SERP2: variants seen among roughly 807,000 people sequenced by gnomAD.
SERP2 encodes stress-associated endoplasmic reticulum protein 2.
Under a neutral mutation model 9.1 loss-of-function variants are expected in SERP2, and 6 were observed. That is an observed-to-expected ratio of 0.66 (90% confidence interval 0.36 to 1.30). SERP2 has a LOEUF of 1.30. Among genes scored for constraint, SERP2 ranks in the 50% most tolerant of loss-of-function variants. SERP2 has a pLI of 0.03. For missense variants in SERP2, 58 were observed against 81.9 expected (o/e 0.71, Z 1.13); for synonymous variants, 37 against 27.3 (o/e 1.35, Z -1.10).
intron 1 of SERP2, among the ~76,000 whole-genome samples, chr13:44,375,782 C>G (rs1463956830): frequency 1.3e-5 from 2 of 152,166 alleles, no homozygotes; most frequent in African/African-American, 4.8e-5. Flanking sequence ...GCTGTTGTAT[C>G]TATTAGGTTC....
At chr13:44,388,349 T>C (rs550002731) in intron 2 of SERP2, among the ~76,000 whole-genome samples, 31 of 152,360 alleles carry the variant, frequency 2.0e-4, no homozygotes, top group African/African-American at 7.5e-4. Context: ...TGAATGTGTA[T>C]GTATATGCAT....
chr13:44,385,280 T>C (rs1310466572), intron 2 of SERP2, among the ~76,000 whole-genome samples: 1 of 152,160 alleles, frequency 6.6e-6, no homozygotes, highest in African/African-American at 2.4e-5. Flanking sequence ...AAGAGCAAGA[T>C]AATGAAAAGG....
At chr13:44,396,756 T>TCCAAGCAGCTGGAAGATA (rs1468344183) in intron 2 of SERP2, among the ~76,000 whole-genome samples, 1 of 152,060 alleles carries the variant, frequency 6.6e-6, no homozygotes, top group Non-Finnish European at 1.5e-5. Flanking sequence ...TTCAGAGAGT[T>TCCAAGCAGCTGGAAGATA]CCAAGCAGCT....
intron 2 of SERP2, 61 bp from the exon 3 acceptor site, chr13:44,397,211 G>A (rs373364072): frequency 6.9e-7 from 1 of 1,448,204 alleles, no homozygotes; most frequent in African/African-American, 1.4e-5. Flanking sequence ...GGCTCACTGT[G>A]GGCTGGGTTT....
chr13:44,397,405 C>T lies in SERP2; in HGVS notation c.*93C>T, dbSNP rs951526085. The stretch of plus-strand genomic sequence containing the variant: ...GTTTCTGCGGGAAACAAGCAGGCCA[C>T]ACGGAATAGAAAAAAACGCTCCCCC... On this transcript the variant is annotated 3_prime_UTR_variant, in exon 3 of 3. Coordinates refer to ENST00000379179, the MANE Select transcript of SERP2 (RefSeq NM_001010897.3). 6.0e-6 allele frequency: 6 copies of T among 998,702 alleles called. No individual in the cohort carries two copies. Among genetic ancestry groups the T allele is most frequent in the Non-Finnish European group, 9.5e-6 (6 of 634,036 alleles). 61.9% of individuals were successfully genotyped at this position (998,702 alleles called of 1,614,324 possible).
chr13:44,381,460 T>A (rs1420162768), intron 2 of SERP2, among the ~76,000 whole-genome samples: 1 of 152,122 alleles, frequency 6.6e-6, no homozygotes, highest in East Asian at 1.9e-4. Flanking sequence ...GAGAATCACT[T>A]GAACTGCAGA....
intron 2 of SERP2, among the ~76,000 whole-genome samples, chr13:44,383,832 T>G (rs1204713198): frequency 1.3e-5 from 2 of 152,028 alleles, no homozygotes; most frequent in African/African-American, 4.8e-5. Context: ...ATTACAGGCA[T>G]GAGCCAATGC....
intron 1 of SERP2, among the ~76,000 whole-genome samples, 178 bp downstream of exon 1, chr13:44,374,287 T>G (rs1474438559): frequency 1.3e-5 from 2 of 152,142 alleles, no homozygotes; most frequent in South Asian, 2.1e-4. Flanking sequence ...CGGCGCGGTC[T>G]GCTTGGCGTC....
intron 2 of SERP2, chr13:44,390,242 G>C (rs1872556359): frequency 6.3e-6 from 2 of 315,484 alleles, no homozygotes; most frequent in Admixed American, 7.9e-5. Flanking sequence ...CTTGCTCCCA[G>C]ATGGAGAAAG....
chr13:44,389,498 C>G (rs1872513232), intron 2 of SERP2, among the ~76,000 whole-genome samples: 1 of 152,164 alleles, frequency 6.6e-6, no homozygotes, highest in South Asian at 2.1e-4. Context: ...TATGGTCTTG[C>G]TCACCCTGCC....
At chr13:44,379,583 C>A in intron 1 of SERP2, 58 bp from the exon 2 acceptor site, 1 of 1,340,818 alleles carries the variant, frequency 7.5e-7, no homozygotes, top group Non-Finnish European at 1.1e-6. Flanking sequence ...TAGTGATACT[C>A]AAATAATTGT....
intron 2 of SERP2, among the ~76,000 whole-genome samples, chr13:44,381,976 ATAGT>A (rs1872005467): frequency 6.8e-6 from 1 of 147,738 alleles, no homozygotes; most frequent in East Asian, 2.0e-4. Context: ...TATTTAGCAC[ATAGT>A]TAGTGCTTAG....
At chr13:44,392,196 CA>C (rs760513486) in intron 2 of SERP2, among the ~76,000 whole-genome samples, 4 of 35,980 alleles carry the variant, frequency 1.1e-4, no homozygotes, top group African/African-American at 2.5e-4. Context: ...GACTCTGTCT[CA>C]AAAAAAAAAA....
At chr13:44,390,585 T>C (rs1595056166) in intron 2 of SERP2, 1 of 358,088 alleles carries the variant, frequency 2.8e-6, no homozygotes, top group East Asian at 7.8e-5. Flanking sequence ...TAAGGTGACC[T>C]GCAGCCTCCT....
At chr13:44,382,936 G>A (rs1276409101) in intron 2 of SERP2, among the ~76,000 whole-genome samples, 1 of 152,316 alleles carries the variant, frequency 6.6e-6, no homozygotes, top group East Asian at 1.9e-4. Context: ...GGCTGGCATG[G>A]ATAAGGAACT....
Position 44,397,397 on chromosome 13 carries a change from G to A in SERP2, c.*85G>A. Reference sequence around the variant, plus strand: ...GTCAGCCAGTTTCTGCGGGAAACAAGCAGGCCACACGGAATAGAAAAAAAC... The same window carrying A: ...GTCAGCCAGTTTCTGCGGGAAACAAACAGGCCACACGGAATAGAAAAAAAC... On this transcript the variant is annotated 3_prime_UTR_variant, in exon 3 of 3. Transcript: ENST00000379179. The A allele has an allele frequency of 1.9e-6, 2 of 1,064,598 alleles. No homozygotes were observed. Among genetic ancestry groups the A allele is most frequent in the Non-Finnish European group, 1.5e-6 (1 of 686,406 alleles). 65.9% of individuals were successfully genotyped at this position (1,064,598 alleles called of 1,614,324 possible). A position where few individuals can be genotyped will look rare whatever the true frequency, so the allele number is the denominator to read the frequency against.
In SERP2 at chr13:44,397,383, T is replaced by G; in HGVS notation, c.*71T>G. ...GGACAACGGAAGCGGTCAGCCAGTT[T>G]CTGCGGGAAACAAGCAGGCCACACG... On this transcript the variant is annotated 3_prime_UTR_variant, in exon 3 of 3. Coordinates refer to ENST00000379179, the MANE Select transcript of SERP2 (RefSeq NM_001010897.3). 1 of 1,221,126 alleles carries G rather than the reference T, an allele frequency of 8.2e-7. No homozygotes were observed. The highest frequency in any genetic ancestry group is 1.5e-5 in the African/African-American group (1 of 67,504). The allele number at this position is 1,221,126 out of a possible 1,614,324, so 75.6% of individuals were successfully genotyped here. A position where few individuals can be genotyped will look rare whatever the true frequency, so the allele number is the denominator to read the frequency against.
chr13:44,373,706 C>T, upstream of SERP2: 1 of 325,548 alleles, frequency 3.1e-6, no homozygotes, highest in African/African-American at 2.2e-5. The surrounding 1 kb of genome is among the most constrained non-coding windows in gnomAD (Gnocchi z 4.8). Context: ...TGCGCTCCGG[C>T]CGCTCGGCGC....
chr13:44,392,939 G>A (rs922335204), intron 2 of SERP2, among the ~76,000 whole-genome samples: 2 of 152,196 alleles, frequency 1.3e-5, no homozygotes, highest in African/African-American at 4.8e-5. Context: ...TAATGGTCAA[G>A]TGGATTGTTT....
Sources: allele counts gnomAD v4.1 joint callset (sites outside exome capture counted in the v4.1 genomes callset), GRCh38; gene constraint gnomAD v4.1.1; non-coding constraint Gnocchi (gnomAD v3.1); transcripts MANE v1.5; gene names NCBI Gene and HGNC (gene_info 2026-07-23, HGNC 2026-07-21).